PABPC4L: variants seen among roughly 807,000 people sequenced by gnomAD.
PABPC4L encodes the protein poly(A) binding protein cytoplasmic 4 like, also known as polyadenylate-binding protein 4-like.
For synonymous variants in PABPC4L, 169 were observed against 164.1 expected (o/e 1.03, Z -0.23); for missense variants, 452 against 451.4 (o/e 1.00, Z -0.01).
chr4:134,060,766 G>GCAA, the PABPC4L span, among the ~76,000 whole-genome samples: 1 of 151,912 alleles, frequency 6.6e-6, no homozygotes, highest in Non-Finnish European at 1.5e-5. Flanking sequence ...CCTGTCATTT[G>GCAA]CAACAACATG....
chr4:134,066,115 G>A, the PABPC4L span, among the ~76,000 whole-genome samples: 14 of 152,042 alleles, frequency 9.2e-5, no homozygotes, highest in African/African-American at 2.4e-4. Flanking sequence ...TATGAATTAC[G>A]AAATAGTTGT....
chr4:134,186,860 A>G, the PABPC4L span, among the ~76,000 whole-genome samples: 1 of 152,044 alleles, frequency 6.6e-6, no homozygotes, highest in South Asian at 2.1e-4. Flanking sequence ...AAATCAAACA[A>G]CCCCATCAAA....
At chr4:134,149,236 T>C in the PABPC4L span, among the ~76,000 whole-genome samples, 1 of 152,092 alleles carries the variant, frequency 6.6e-6, no homozygotes, top group East Asian at 1.9e-4. Context: ...AAGCAAAAAT[T>C]AAGCCAGATA....
chr4:134,155,935 C>T, the PABPC4L span, among the ~76,000 whole-genome samples: 1 of 151,850 alleles, frequency 6.6e-6, no homozygotes, highest in East Asian at 1.9e-4. Flanking sequence ...GCCAAGGTAC[C>T]CTTTAGCAGA....
chr4:134,069,984 G>A, the PABPC4L span, among the ~76,000 whole-genome samples: 1 of 109,164 alleles, frequency 9.2e-6, no homozygotes, highest in African/African-American at 3.8e-5. Context: ...CTGTCCTTTG[G>A]AGGGTTTTTT....
chr4:134,101,511 T>G, the PABPC4L span, among the ~76,000 whole-genome samples: 2 of 151,416 alleles, frequency 1.3e-5, no homozygotes, highest in Non-Finnish European at 3.0e-5. Flanking sequence ...CATGGGTATT[T>G]TACTTGGATA....
chr4:133,984,000 T>C, the PABPC4L span, among the ~76,000 whole-genome samples: 9 of 151,960 alleles, frequency 5.9e-5, no homozygotes, highest in East Asian at 1.7e-3. Context: ...ATAGGTAAAT[T>C]ATATATGTAA....
chr4:134,067,313 G>A, the PABPC4L span, among the ~76,000 whole-genome samples: 1 of 152,048 alleles, frequency 6.6e-6, no homozygotes, highest in Non-Finnish European at 1.5e-5. Flanking sequence ...TCTAGCTTAC[G>A]TACATAGAGA....
At chr4:134,081,148 T>G in the PABPC4L span, among the ~76,000 whole-genome samples, 1 of 152,204 alleles carries the variant, frequency 6.6e-6, no homozygotes, top group Admixed American at 6.5e-5. Flanking sequence ...TAAGAAGGAC[T>G]GTTACTATAC....
the PABPC4L span, among the ~76,000 whole-genome samples, chr4:134,142,158 T>G: frequency 6.6e-6 from 1 of 151,696 alleles, no homozygotes; most frequent in Non-Finnish European, 1.5e-5. Flanking sequence ...AGTCCCAAGT[T>G]TTTCAAAGAT....
the PABPC4L span, among the ~76,000 whole-genome samples, chr4:134,085,121 G>A: frequency 6.6e-6 from 1 of 152,012 alleles, no homozygotes; most frequent in African/African-American, 2.4e-5. Context: ...AGAATCAGTT[G>A]AGAAAGGTTG....
chr4:133,999,639 T>A, the PABPC4L span, among the ~76,000 whole-genome samples: 1 of 152,060 alleles, frequency 6.6e-6, no homozygotes. Flanking sequence ...TTTAGTGACA[T>A]CCCTATTTCC....
At chr4:134,184,046 G>A in the PABPC4L span, among the ~76,000 whole-genome samples, 1 of 151,652 alleles carries the variant, frequency 6.6e-6, no homozygotes, top group African/African-American at 2.4e-5. Context: ...TCTTAAGTAA[G>A]AAGAAAAAGA....
chr4:134,175,014 A>G, the PABPC4L span, among the ~76,000 whole-genome samples: 105,765 of 151,988 alleles, frequency 0.7, 38,141 homozygotes, highest in East Asian at 1. Context: ...TGTGTTTAAT[A>G]CTTGGCCACA....
chr4:134,072,554 G>A, the PABPC4L span, among the ~76,000 whole-genome samples: 1 of 152,162 alleles, frequency 6.6e-6, no homozygotes, highest in Non-Finnish European at 1.5e-5. Context: ...ATTTCTAAAA[G>A]CAAGAGTTTA....
chr4:134,169,945 G>A, the PABPC4L span, among the ~76,000 whole-genome samples: 9 of 152,062 alleles, frequency 5.9e-5, no homozygotes, highest in Admixed American at 1.3e-4. Flanking sequence ...CATGTCACCC[G>A]TGTTTGGTAT....
the PABPC4L span, among the ~76,000 whole-genome samples, chr4:133,975,533 C>T: frequency 6.6e-6 from 1 of 152,092 alleles, no homozygotes; most frequent in Admixed American, 6.6e-5. Context: ...CTAAATGACT[C>T]TCTAATTTTT....
the PABPC4L span, among the ~76,000 whole-genome samples, chr4:134,070,098 C>A: frequency 6.7e-6 from 1 of 149,770 alleles, no homozygotes; most frequent in Admixed American, 6.7e-5. Flanking sequence ...GGCCAAGGCT[C>A]AGCTCAGCCC....
chr4:134,193,353 C>A (rs1046441463), downstream of PABPC4L, among the ~76,000 whole-genome samples: 5 of 151,586 alleles, frequency 3.3e-5, no homozygotes, highest in Admixed American at 3.3e-4. Flanking sequence ...TACAAAAAAG[C>A]AGAAATGTGA....
Sources: gnomAD v4.1 joint callset for allele counts (sites outside exome capture counted in the v4.1 genomes callset) on GRCh38, gnomAD v4.1.1 for gene constraint, MANE v1.5 for transcripts, NCBI Gene and HGNC (gene_info 2026-07-23, HGNC 2026-07-21) for gene names.